Variants in MAP3K5 observed in about 807,000 individuals in gnomAD.
MAP3K5 encodes the protein ASK-1.
MAP3K5 carries 56 observed loss-of-function variants against 158.7 expected under a neutral mutation model. The observed-to-expected ratio is 0.35, with a 90% CI of 0.28 to 0.44. The LOEUF (loss-of-function observed/expected upper bound fraction) is 0.44. Ranked by LOEUF, MAP3K5 falls within the 20% of genes least tolerant of loss-of-function variation. The pLI is 1.00. For missense variants in MAP3K5, 1,294 were observed against 1,674.8 expected (o/e 0.77, Z 3.97); for synonymous variants, 579 against 601.7 (o/e 0.96, Z 0.55).
intron 1 of MAP3K5, among the ~76,000 whole-genome samples, chr6:136,721,280 T>C (rs527947954): frequency 1.3e-5 from 2 of 151,598 alleles, no homozygotes; most frequent in South Asian, 4.2e-4. Context: ...AAAACGAGAT[T>C]TTTAAAAAAT....
At chr6:136,593,702 T>C (rs1419150661) in intron 21 of MAP3K5, 1 of 405,644 alleles carries the variant, frequency 2.5e-6, no homozygotes, top group Non-Finnish European at 4.7e-6. Context: ...ATCTATCCTA[T>C]GGACAGATAT....
At chr6:136,721,704 C>A (rs1781752851) in intron 1 of MAP3K5, among the ~76,000 whole-genome samples, 1 of 152,134 alleles carries the variant, frequency 6.6e-6, no homozygotes, top group Non-Finnish European at 1.5e-5. Flanking sequence ...AATTAAAATT[C>A]TCAATCCATT....
chr6:136,569,403 G>A (rs1482737470), intron 25 of MAP3K5, among the ~76,000 whole-genome samples: 1 of 152,062 alleles, frequency 6.6e-6, no homozygotes, highest in Non-Finnish European at 1.5e-5. Flanking sequence ...TTACTTAGGG[G>A]CTTCATCTAC....
chr6:136,630,376 T>G lies in MAP3K5; in HGVS notation c.2016+6949A>C, dbSNP rs536906181. ...AGGAATTTCTCTCCATTTTGTTCTC[T>G]GCCATCTCTCCAGCACATGGAATGG... On this transcript the variant is annotated intron_variant, in intron 14 of 29. Coordinates refer to ENST00000359015, the MANE Select transcript of MAP3K5 (RefSeq NM_005923.4). 7.2e-5 allele frequency: 11 copies of G among 152,346 alleles called. No individual in the cohort carries two copies. The East Asian group carries it at 1.9e-3, about 27-fold the overall frequency. 9.4% of individuals were successfully genotyped at this position (152,346 alleles called of 1,614,324 possible). A position where few individuals can be genotyped will look rare whatever the true frequency, so the allele number is the denominator to read the frequency against.
intron 1 of MAP3K5, among the ~76,000 whole-genome samples, chr6:136,756,826 T>C (rs1165447731): frequency 6.6e-6 from 1 of 152,214 alleles, no homozygotes; most frequent in East Asian, 1.9e-4. Flanking sequence ...TTGTCAGCAC[T>C]GAGGGGCTGA....
chr6:136,755,225 C>T lies in MAP3K5; in HGVS notation c.449-34636G>A, dbSNP rs1783421892. On this transcript the variant is annotated intron_variant, in intron 1 of 29. Transcript: ENST00000359015. The stretch of plus-strand genomic sequence containing the variant: ...GCCCTGCTTAGCTGTGTTCCTGCCT[C>T]CCTCTCCAGCCGCATCCAGCTCCTC... 2.0e-5 allele frequency among the ~76,000 whole-genome samples: 3 copies of T among 152,108 alleles called. No individual in the cohort carries two copies. In the South Asian group the frequency reaches 6.2e-4, roughly 32 times the overall value.
At chr6:136,743,681 C>G (rs542216848) in intron 1 of MAP3K5, among the ~76,000 whole-genome samples, 1 of 152,282 alleles carries the variant, frequency 6.6e-6, no homozygotes, top group East Asian at 1.9e-4. Flanking sequence ...CATTTGCACT[C>G]CTTGGTATTT....
At chr6:136,593,618 T>A in intron 21 of MAP3K5, 1 of 355,864 alleles carries the variant, frequency 2.8e-6, no homozygotes, top group Admixed American at 3.8e-5. Flanking sequence ...AGCTCCCAAA[T>A]GTATATAAAA....
At chr6:136,574,984 C>A (rs77855166) in intron 25 of MAP3K5, among the ~76,000 whole-genome samples, 2 of 151,648 alleles carry the variant, frequency 1.3e-5, no homozygotes, top group South Asian at 4.2e-4. Flanking sequence ...CCACCGCGCC[C>A]GGCCTAAACA....
chr6:136,614,769 G>C (rs1265077411), intron 15 of MAP3K5, among the ~76,000 whole-genome samples: 1 of 152,112 alleles, frequency 6.6e-6, no homozygotes, highest in Admixed American at 6.5e-5. Context: ...TTAATCAGGA[G>C]ACTCTTGCCC....
At chr6:136,723,168 G>T (rs956491083) in intron 1 of MAP3K5, among the ~76,000 whole-genome samples, 1 of 151,754 alleles carries the variant, frequency 6.6e-6, no homozygotes, top group African/African-American at 2.4e-5. Context: ...CTATCAGTAA[G>T]AAAATGTTTA....
intron 23 of MAP3K5, among the ~76,000 whole-genome samples, chr6:136,585,473 CTTTA>C (rs554195273): frequency 0.016 from 2,165 of 135,114 alleles, 52 homozygotes; most frequent in South Asian, 0.032. Flanking sequence ...CTTTTCTTTT[CTTTA>C]TTTATTTATT....
chr6:136,745,147 T>G (rs1782879626), intron 1 of MAP3K5, among the ~76,000 whole-genome samples: 1 of 149,578 alleles, frequency 6.7e-6, no homozygotes, highest in South Asian at 2.1e-4. Flanking sequence ...ATTAAAGTTT[T>G]TTTTTTTTTT....
intron 1 of MAP3K5, among the ~76,000 whole-genome samples, chr6:136,750,058 C>T (rs1180079217): frequency 1.3e-5 from 2 of 152,082 alleles, no homozygotes; most frequent in Admixed American, 1.3e-4. Context: ...TCTCCACACC[C>T]CATTGGCCTT....
intron 2 of MAP3K5, among the ~76,000 whole-genome samples, chr6:136,705,454 C>T (rs1562630288): frequency 6.6e-6 from 1 of 152,116 alleles, no homozygotes; most frequent in Non-Finnish European, 1.5e-5. Flanking sequence ...AGGTACATGC[C>T]ACCACAACCA....
intron 15 of MAP3K5, among the ~76,000 whole-genome samples, chr6:136,619,932 G>A (rs1776729010): frequency 6.6e-6 from 1 of 152,200 alleles, no homozygotes. Context: ...GACAGTAACT[G>A]ATAACACAAG....
intron 25 of MAP3K5, among the ~76,000 whole-genome samples, chr6:136,571,513 T>G (rs1000325218): frequency 1.3e-5 from 2 of 152,230 alleles, no homozygotes; most frequent in African/African-American, 4.8e-5. Context: ...ATTTGTCTTT[T>G]TGTGACTGGC....
chr6:136,660,568 T>C (rs886761249), intron 8 of MAP3K5, among the ~76,000 whole-genome samples: 4 of 152,250 alleles, frequency 2.6e-5, no homozygotes, highest in African/African-American at 9.6e-5. Context: ...TGTTTCATTA[T>C]ATATTTTCAA....
chr6:136,739,821 A>G (rs570692061), intron 1 of MAP3K5, among the ~76,000 whole-genome samples: 7 of 152,320 alleles, frequency 4.6e-5, no homozygotes, highest in African/African-American at 1.7e-4. Context: ...CATGATATGT[A>G]TGATCTCATT....
Sources: gnomAD v4.1 joint callset for allele counts (sites outside exome capture counted in the v4.1 genomes callset) on GRCh38, gnomAD v4.1.1 for gene constraint, MANE v1.5 for transcripts, NCBI Gene and HGNC (gene_info 2026-07-23, HGNC 2026-07-21) for gene names.